GABRA3: variants seen among roughly 807,000 people sequenced by gnomAD.
GABRA3 encodes gamma-aminobutyric acid type A receptor subunit alpha3.
A neutral mutation model predicts 30.1 loss-of-function variants in GABRA3; 10 were observed. That is an observed-to-expected ratio of 0.33 (90% CI 0.20 to 0.56). GABRA3 has a LOEUF of 0.56. Ranked by LOEUF, GABRA3 falls within the 20% of genes least tolerant of loss-of-function variation. The pLI is 0.89. For missense variants in GABRA3, 233 were observed against 392.0 expected, an observed-to-expected ratio of 0.59 and a Z score of 3.42; for synonymous variants, 151 against 146.8, an observed-to-expected ratio of 1.03 and a Z score of -0.21.
intron 3 of GABRA3, among the ~76,000 whole-genome samples, chrX:152,308,333 G>T (rs946958509): frequency 2.7e-5 from 3 of 112,662 alleles, no homozygotes; most frequent in African/African-American, 9.7e-5. Context: ...TCTGCTGCTG[G>T]CATGCATACG....
At chrX:152,291,090 A>G (rs1467704724) in intron 3 of GABRA3, among the ~76,000 whole-genome samples, 4 of 111,658 alleles carry the variant, frequency 3.6e-5, no homozygotes, top group Non-Finnish European at 1.9e-5. Context: ...CATTGAATCT[A>G]TAAATTACCT....
At chrX:152,237,135 C>T (rs1365583672) in intron 5 of GABRA3, among the ~76,000 whole-genome samples, 2 of 111,219 alleles carry the variant, frequency 1.8e-5, no homozygotes, top group Non-Finnish European at 3.8e-5. Flanking sequence ...TTAGGTCTAA[C>T]GTTTAAATCT....
intron 4 of GABRA3, among the ~76,000 whole-genome samples, chrX:152,272,063 G>A (rs1230628944): frequency 8.9e-6 from 1 of 111,892 alleles, no homozygotes; most frequent in Non-Finnish European, 1.9e-5. Context: ...GGGAATGATC[G>A]AGTTGGATCC....
At chrX:152,313,405 A>G (rs1280027583) in intron 3 of GABRA3, among the ~76,000 whole-genome samples, 1 of 111,420 alleles carries the variant, frequency 9.0e-6, no homozygotes, top group Non-Finnish European at 1.9e-5. Context: ...CAGTCCCTTT[A>G]TATTGGTGCT....
chrX:152,177,910 G>C (rs1937094952), intron 9 of GABRA3, among the ~76,000 whole-genome samples: 1 of 111,881 alleles, frequency 8.9e-6, no homozygotes, highest in Non-Finnish European at 1.9e-5. Flanking sequence ...GAACATCAAA[G>C]GACAAAACTT....
At chrX:152,419,684 AAAG>A (rs1364593217) in intron 1 of GABRA3, among the ~76,000 whole-genome samples, 1 of 111,727 alleles carries the variant, frequency 9.0e-6, no homozygotes, top group African/African-American at 3.2e-5. Flanking sequence ...CTCAACATTT[AAAG>A]AATAAATAGC....
At chrX:152,170,448 G>A (rs1349740951) in intron 9 of GABRA3, among the ~76,000 whole-genome samples, 2 of 112,063 alleles carry the variant, frequency 1.8e-5, no homozygotes, top group East Asian at 5.6e-4. Context: ...TGAGTAGCTG[G>A]GACTACAGGC....
chrX:152,201,875 T>C (rs1162018573), intron 7 of GABRA3, among the ~76,000 whole-genome samples: 1 of 111,657 alleles, frequency 9.0e-6, no homozygotes, highest in Non-Finnish European at 1.9e-5. Context: ...GCCTTATCTT[T>C]ACTTACCTAT....
chrX:152,183,043 C>A (rs1008264409), intron 9 of GABRA3, among the ~76,000 whole-genome samples: 1 of 106,979 alleles, frequency 9.3e-6, no homozygotes, highest in African/African-American at 3.4e-5. Flanking sequence ...AGTGTATTTG[C>A]CTGTCTTTGG....
At chrX:152,185,519 TA>T (rs1029800580) in intron 9 of GABRA3, among the ~76,000 whole-genome samples, 5 of 109,823 alleles carry the variant, frequency 4.6e-5, no homozygotes, top group African/African-American at 9.9e-5. Flanking sequence ...TTACTGGCCA[TA>T]AAAAAAAATC....
Position 152,284,687 on chromosome X carries a change from G to T in GABRA3, c.311C>A (p.Pro104His). The change falls in exon 4 of 10, where the codon CCT becomes CAT. Residue 104 changes from proline to histidine, a missense_variant. Around this residue, in one of 6 missense-constraint regions of GABRA3, gnomAD observed 42 missense variants for 116.2 expected, o/e 0.36. Transcript: ENST00000370314. ...ACTTACCATGTCAGTGTCTGACACA[G>T]GGCCAAAACTGGTCACGTAGATGTC... is the stretch of plus-strand genomic sequence containing the variant. ...KTDIYVTSFGPVSDTDMEYTI... is the reference protein window; with the variant it reads ...KTDIYVTSFGHVSDTDMEYTI... The T allele has an allele frequency of 8.4e-7, 1 of 1,191,989 alleles. No individual in the cohort carries two copies. Among genetic ancestry groups the T allele is most frequent in the South Asian group, 1.8e-5 (1 of 56,403 alleles).
At chrX:152,437,572 A>C (rs1395252936) in intron 1 of GABRA3, among the ~76,000 whole-genome samples, 1 of 111,813 alleles carries the variant, frequency 8.9e-6, no homozygotes, top group Non-Finnish European at 1.9e-5. Context: ...CAGAATAGTA[A>C]ACACAATACT....
chrX:152,315,975 C>A (rs1470129020), intron 3 of GABRA3, among the ~76,000 whole-genome samples: 3 of 65,215 alleles, frequency 4.6e-5, no homozygotes, highest in Admixed American at 1.5e-4. Flanking sequence ...CCCCCGACCC[C>A]CCCCCCCCCC....
At chrX:152,343,716 C>T (rs1007839360) in intron 3 of GABRA3, among the ~76,000 whole-genome samples, 3 of 111,832 alleles carry the variant, frequency 2.7e-5, no homozygotes, top group South Asian at 3.6e-4. Flanking sequence ...TAAAAGCAGG[C>T]GTTACATAGC....
chrX:152,368,374 A>G (rs1928714723), intron 1 of GABRA3, among the ~76,000 whole-genome samples: 2 of 111,358 alleles, frequency 1.8e-5, no homozygotes, highest in African/African-American at 6.5e-5. Flanking sequence ...TCCACATGTA[A>G]GTGGCATCAT....
intron 3 of GABRA3, among the ~76,000 whole-genome samples, chrX:152,322,732 C>T (rs1939985156): frequency 9.3e-6 from 1 of 107,961 alleles, no homozygotes; most frequent in Non-Finnish European, 1.9e-5. Context: ...TGGGGTTTCA[C>T]CATGTTGGTC....
chrX:152,345,807 T>G, intron 2 of GABRA3, 105 bp from the exon 3 acceptor site: 4 of 701,636 alleles, frequency 5.7e-6, no homozygotes, highest in Non-Finnish European at 6.2e-6. Context: ...ACTGGGCCAA[T>G]TACATAGACC....
At position 152,207,991 on chromosome X, in the gene GABRA3, A is replaced by G. The variant is rs1937588743; in HGVS notation, c.778+10T>C. The G allele has an allele frequency of 8.3e-7, 1 of 1,201,426 alleles. No homozygotes were observed. Among genetic ancestry groups the G allele is most frequent in the Admixed American group, 2.2e-5 (1 of 44,867 alleles). On this transcript the variant is annotated intron_variant, in intron 7 of 9. Transcript: ENST00000370314. ...ACAGAAATGTTTGTTAAATAAAATAAGTTAAATACCTGTACTAGACCGGAT... is the reference window on the plus strand; with the variant it reads ...ACAGAAATGTTTGTTAAATAAAATAGGTTAAATACCTGTACTAGACCGGAT...
intron 2 of GABRA3, among the ~76,000 whole-genome samples, chrX:152,348,000 T>A (rs746706722): frequency 1.1e-3 from 127 of 111,097 alleles, no homozygotes; most frequent in African/African-American, 4.0e-3. Context: ...CTGTCTAAAA[T>A]AAATAAATAA....
Sources: gnomAD v4.1 joint callset for allele counts (sites outside exome capture counted in the v4.1 genomes callset) on GRCh38, gnomAD v4.1.1 for gene constraint, gnomAD v4.1.1 regional missense constraint, MANE v1.5 for transcripts, NCBI Gene and HGNC (gene_info 2026-07-23, HGNC 2026-07-21) for gene names.